Variants in DDX18 observed in about 807,000 individuals in gnomAD.
The protein encoded by DDX18 is ATP-dependent RNA helicase DDX18.
In DDX18, 23 loss-of-function variants were observed where a neutral mutation model predicts 73.5. The observed-to-expected ratio is 0.31, with a 90% CI of 0.23 to 0.44. DDX18 has a LOEUF of 0.44. DDX18 is among the 20% of genes least tolerant of loss of function. The pLI is 1.00. For synonymous variants in DDX18, 268 were observed against 282.7 expected (o/e 0.95, Z 0.52); for missense variants, 753 against 792.9 (o/e 0.95, Z 0.60).
In DDX18 at chr2:117,817,511, A is replaced by G. The variant is rs755879715; in HGVS notation, c.153A>G (p.Arg51=). The change falls in exon 2 of 14, where the codon AGA becomes AGG. Residue 51 remains arginine (R), a synonymous_variant. Transcript: ENST00000263239. ...TATCTGAAGAAACAATGGGAAGTAGAAAGGTTAAAAAATCAAAACAAAAGC... is the reference window on the plus strand; with the variant it reads ...TATCTGAAGAAACAATGGGAAGTAGGAAGGTTAAAAAATCAAAACAAAAGC... The part of the protein sequence containing the change: ...GDVSEETMGS[R]KVKKSKQKPM... 5 of 1,613,576 alleles carry G rather than the reference A, an allele frequency of 3.1e-6. No individual in the cohort carries two copies. The highest frequency in any genetic ancestry group is 4.2e-6 in the Non-Finnish European group (5 of 1,179,898).
At chr2:117,818,615 A>G (rs934004115) in intron 2 of DDX18, among the ~76,000 whole-genome samples, 1 of 152,118 alleles carries the variant, frequency 6.6e-6, no homozygotes, top group Non-Finnish European at 1.5e-5. Flanking sequence ...AGGAAGTGGT[A>G]TTATTTCTGC....
In DDX18 at chr2:117,822,218, G is replaced by T; in HGVS notation, c.1023G>T (p.Val341=). 6.2e-7 allele frequency: 1 copy of T among 1,613,728 alleles called. No homozygotes were observed. The highest frequency in any genetic ancestry group is 1.1e-5 in the South Asian group (1 of 91,048). ...ATGAAGCTGATCGTATCTTGGATGT[G>T]GGGTTTGAAGAGGAATTAAAGCAAA... The part of the protein sequence containing the change: ...VIDEADRILD[V]GFEEELKQII... Residue 341 remains valine, a synonymous_variant, in exon 7 of 14, where the codon GTG becomes GTT. Coordinates refer to ENST00000263239, the MANE Select transcript of DDX18 (RefSeq NM_006773.4).
intron 7 of DDX18, among the ~76,000 whole-genome samples, chr2:117,823,612 A>T (rs1319317546): frequency 6.6e-6 from 1 of 152,160 alleles, no homozygotes; most frequent in East Asian, 1.9e-4. Flanking sequence ...TCATGTGCAG[A>T]TAAAGACAGT....
intron 13 of DDX18, among the ~76,000 whole-genome samples, chr2:117,830,303 C>G (rs1020240494): frequency 3.3e-5 from 5 of 152,112 alleles, no homozygotes; most frequent in Non-Finnish European, 4.4e-5. Flanking sequence ...ACTCATAAAT[C>G]CTTATTCACT....
Position 117,831,864 on chromosome 2 carries a change from T to C in DDX18, c.*1140T>C, listed in dbSNP as rs1680031329. 6.6e-6 allele frequency: 1 copy of C among 152,258 alleles called. No individual in the cohort carries two copies. The highest frequency in any genetic ancestry group is 6.5e-5 in the Admixed American group (1 of 15,288). 9.4% of individuals were successfully genotyped at this position (152,258 alleles called of 1,614,324 possible). A position where few individuals can be genotyped will look rare whatever the true frequency, so the allele number is the denominator to read the frequency against. ...TATATAACTACAAGATAGTACATTT[T>C]GTAGCAGTTCAAAGCCAAAGTTGCT... On this transcript the variant is annotated 3_prime_UTR_variant, in exon 14 of 14. Transcript: ENST00000263239.
chr2:117,826,422 G>C (rs756760452), intron 11 of DDX18, 40 bp downstream of exon 11: 1 of 1,573,616 alleles, frequency 6.4e-7, no homozygotes. Flanking sequence ...TCTTGGTGTA[G>C]GGATTGTTAG....
Position 117,821,870 on chromosome 2 carries a change from G to A in DDX18, c.760G>A (p.Val254Ile), listed in dbSNP as rs749555270. The A allele has an allele frequency of 1.9e-6, 3 of 1,613,872 alleles. No individual in the cohort carries two copies. Among genetic ancestry groups the A allele is most frequent in the Admixed American group, 1.7e-5 (1 of 59,988 alleles). The change falls in exon 6 of 14, where the codon GTC (valine) becomes ATC (isoleucine). Residue 254 changes from valine to isoleucine, a missense_variant. Coordinates refer to ENST00000263239, the MANE Select transcript of DDX18 (RefSeq NM_006773.4). ...LRFMPRNGTG[V>I]LILSPTRELA... Reference sequence around the variant, plus strand: ...CCATATATCATTTTTAGGAACAGGAGTCCTTATTCTCTCACCTACTAGAGA... The same window carrying A: ...CCATATATCATTTTTAGGAACAGGAATCCTTATTCTCTCACCTACTAGAGA...
chr2:117,828,781 A>C, intron 11 of DDX18, 168 bp from the exon 12 acceptor site: 1 of 597,444 alleles, frequency 1.7e-6, no homozygotes. Context: ...CTAACTCAGC[A>C]GAGCAAAGAT....
chr2:117,822,243 A>T lies in DDX18; in HGVS notation c.1048A>T (p.Ile350Phe). 1 of 1,612,850 alleles carries T rather than the reference A, an allele frequency of 6.2e-7. No individual in the cohort carries two copies. Among genetic ancestry groups the T allele is most frequent in the Non-Finnish European group, 8.5e-7 (1 of 1,179,652 alleles). Residue 350 changes from isoleucine to phenylalanine, a missense_variant, in exon 7 of 14, where the codon ATT becomes TTT. Coordinates refer to ENST00000263239, the MANE Select transcript of DDX18 (RefSeq NM_006773.4). Reference protein sequence around the residue: ...DVGFEEELKQIIKLLPTRRQT... With the variant: ...DVGFEEELKQFIKLLPTRRQT... ...GGGGTTTGAAGAGGAATTAAAGCAA[A>T]TTATTAAACTTTTGCCAAGTAAGTA... is the stretch of plus-strand genomic sequence containing the variant.
chr2:117,816,563 T>A (rs1679761845), intron 1 of DDX18, among the ~76,000 whole-genome samples: 1 of 152,228 alleles, frequency 6.6e-6, no homozygotes, highest in Non-Finnish European at 1.5e-5. Flanking sequence ...ATGATAACAG[T>A]GCCTTCTAAA....
At chr2:117,818,884 G>A (rs1036704033) in intron 2 of DDX18, among the ~76,000 whole-genome samples, 5 of 152,142 alleles carry the variant, frequency 3.3e-5, no homozygotes, top group African/African-American at 1.2e-4. Context: ...GAGACCAGCT[G>A]AAGATATCTG....
At chr2:117,826,588 G>C (rs1025788403) in intron 11 of DDX18, 25 of 575,020 alleles carry the variant, frequency 4.3e-5, no homozygotes, top group Non-Finnish European at 6.2e-5. Flanking sequence ...TTCTAGCTCT[G>C]TTACCCAGCA....
At chr2:117,819,841 T>G in intron 3 of DDX18, 49 bp downstream of exon 3, 3 of 1,493,142 alleles carry the variant, frequency 2.0e-6, no homozygotes, top group Non-Finnish European at 2.7e-6. Context: ...AATGTGCCTC[T>G]CTTAGAGGAT....
Position 117,821,749 on chromosome 2 carries a change from T to A in DDX18, c.750T>A (p.Asn250Lys). 6.2e-7 allele frequency: 1 copy of A among 1,614,018 alleles called. No individual in the cohort carries two copies. Among genetic ancestry groups the A allele is most frequent in the Non-Finnish European group, 8.5e-7 (1 of 1,179,928 alleles). Residue 250 changes from asparagine (N) to lysine (K), a missense_variant and splice_region_variant, in exon 5 of 14, where the codon AAT becomes AAA. Physicochemically the swap from Asn to Lys is moderately conservative, Grantham distance 94. Coordinates refer to ENST00000263239, the MANE Select transcript of DDX18 (RefSeq NM_006773.4). ...TTAAGTTAAGGTTCATGCCCAGGAA[T>A]GGTAAGCGTTCATCTGCTTGTTTCT... ...LIVKLRFMPR[N>K]GTGVLILSPT...
intron 4 of DDX18, 79 bp from the exon 5 acceptor site, chr2:117,821,571 A>G (rs1679847558): frequency 7.5e-6 from 11 of 1,470,366 alleles, no homozygotes; most frequent in Non-Finnish European, 1.0e-5. Context: ...TTCTAGCCGT[A>G]GTGCCTAAGG....
chr2:117,829,026 T>A, intron 12 of DDX18, 21 bp downstream of exon 12: 1 of 1,600,122 alleles, frequency 6.2e-7, no homozygotes, highest in Non-Finnish European at 8.6e-7. Flanking sequence ...TTTAAACGTT[T>A]GTGAGTAAAC....
Position 117,821,801 on chromosome 2 carries a change from T to C in DDX18, c.751+51T>C, listed in dbSNP as rs764785526. The stretch of plus-strand genomic sequence containing the variant: ...CCATTATTTCACTAGAGGTTTATTG[T>C]AGCTGTTACGGACTCAGTGGTGACA... On this transcript the variant is annotated intron_variant, in intron 5 of 13. Transcript: ENST00000263239. 7.1e-5 allele frequency: 115 copies of C among 1,613,276 alleles called. 1 individual carries two copies. The highest frequency in any genetic ancestry group is 2.5e-6 in the Non-Finnish European group (3 of 1,179,392).
At position 117,829,001 on chromosome 2, in the gene DDX18, C is replaced by T. The variant is rs746576709; in HGVS notation, c.1688C>T (p.Ser563Phe). 2 of 1,612,002 alleles carry T rather than the reference C, an allele frequency of 1.2e-6. No homozygotes were observed. Among genetic ancestry groups the T allele is most frequent in the Non-Finnish European group, 1.7e-6 (2 of 1,178,222 alleles). The part of the protein sequence containing the change: ...FSWSKISDIQ[S>F]QLEKLIEKNY... ...TGGTCTAAAATTTCTGACATTCAGT[C>T]TCAGGTATGTGCTTTTTAAACGTTT... Residue 563 changes from serine to phenylalanine, a missense_variant, in exon 12 of 14, where the codon TCT (serine) becomes TTT (phenylalanine). Transcript: ENST00000263239.
At chr2:117,818,403 C>T (rs1463296523) in intron 2 of DDX18, among the ~76,000 whole-genome samples, 2 of 152,172 alleles carry the variant, frequency 1.3e-5, no homozygotes, top group Non-Finnish European at 2.9e-5. Context: ...TATTTACTAT[C>T]TGGCCCTTTG....
Sources: allele counts gnomAD v4.1 joint callset (sites outside exome capture counted in the v4.1 genomes callset), GRCh38; gene constraint gnomAD v4.1.1; transcripts MANE v1.5; gene names NCBI Gene and HGNC (gene_info 2026-07-23, HGNC 2026-07-21).